Variants in PRR5 observed in about 807,000 individuals in gnomAD.
PRR5 encodes the protein proline-rich protein 5.
Under a neutral mutation model 30.6 loss-of-function variants are expected in PRR5, and 25 were observed. The observed-to-expected ratio is 0.82, with a 90% CI of 0.60 to 1.14. The LOEUF is 1.14. Among genes scored for constraint, PRR5 ranks in the 50% most tolerant of loss-of-function variants. PRR5 has a pLI of 0.00. For missense variants in PRR5, 600 were observed against 547.1 expected (o/e 1.10, Z -0.96); for synonymous variants, 286 against 247.1 (o/e 1.16, Z -1.48).
intron 1 of PRR5, among the ~76,000 whole-genome samples, chr22:44,711,141 G>A (rs955385881): frequency 1.3e-5 from 2 of 152,190 alleles, no homozygotes; most frequent in East Asian, 1.9e-4. Context: ...GGCGTGCCAT[G>A]GCGTTCGCGG....
intron 1 of PRR5, among the ~76,000 whole-genome samples, chr22:44,683,052 G>A (rs1181728460): frequency 2.0e-5 from 3 of 152,232 alleles, no homozygotes; most frequent in African/African-American, 4.8e-5. Flanking sequence ...GACATGAACT[G>A]AGCCTGACTT....
rs754322699 is a variant in PRR5, at chr22:44,732,293, C to G, written c.457C>G (p.Arg153Gly). 8 of 1,612,296 alleles carry G rather than the reference C, an allele frequency of 5.0e-6. No individual in the cohort carries two copies. Among genetic ancestry groups the G allele is most frequent in the Non-Finnish European group, 5.9e-6 (7 of 1,179,950 alleles). The change falls in exon 6 of 8, where the codon CGG becomes GGG. Residue 153 changes from arginine (R) to glycine (G), a missense_variant. By Grantham distance (125) the Arg-to-Gly change is moderately radical. Coordinates refer to ENST00000336985, the MANE Select transcript of PRR5 (RefSeq NM_181333.4). ...SVRQLALLHF[R>G]NAITLSVKLE... ...GCGCCAGCTGGCCCTGCTGCACTTC[C>G]GGAATGCCATCACCCTCAGTGTGAA...
At chr22:44,690,454 C>G (rs189866675) in intron 1 of PRR5, among the ~76,000 whole-genome samples, 1 of 151,820 alleles carries the variant, frequency 6.6e-6, no homozygotes, top group Admixed American at 6.5e-5. Flanking sequence ...ATGGCAGGGC[C>G]AGAGGCCACC....
intron 1 of PRR5, among the ~76,000 whole-genome samples, chr22:44,696,501 G>T (rs985924476): frequency 6.6e-6 from 1 of 152,154 alleles, no homozygotes; most frequent in African/African-American, 2.4e-5. Flanking sequence ...GGTGTATTAA[G>T]ACCAGGGACC....
rs751523837 is a variant in PRR5 at position 44,725,308 on chromosome 22, T to G, written c.264+16T>G. The G allele has an allele frequency of 1.2e-6, 2 of 1,612,574 alleles. No homozygotes were observed. The highest frequency in any genetic ancestry group is 4.5e-5 in the East Asian group (2 of 44,874). ...GTACCTGCAGGTAGGTGGGTCTTGC[T>G]CCAGCCAGGCTGGGCCTGCCTCATG... On this transcript the variant is annotated intron_variant, in intron 3 of 7. Transcript: ENST00000336985.
chr22:44,707,465 C>T (rs1025330963), intron 1 of PRR5, among the ~76,000 whole-genome samples: 4 of 152,200 alleles, frequency 2.6e-5, no homozygotes, highest in East Asian at 3.9e-4. Context: ...CCCCAGCTGC[C>T]GGCATGCCCT....
intron 4 of PRR5, among the ~76,000 whole-genome samples, chr22:44,727,337 G>A (rs2147141386): frequency 6.6e-6 from 1 of 152,268 alleles, no homozygotes; most frequent in East Asian, 1.9e-4. Flanking sequence ...CCTGGGAGCG[G>A]GGTCAGGTGA....
rs1199748965 is a variant in PRR5 at position 44,691,062 on chromosome 22, G to A, written c.-10-11430G>A. 6.6e-6 allele frequency among the ~76,000 whole-genome samples: 1 copy of A among 152,052 alleles called. No individual in the cohort carries two copies. The highest frequency in any genetic ancestry group is 1.5e-5 in the Non-Finnish European group (1 of 68,004). On this transcript the variant is annotated intron_variant, in intron 1 of 8. Transcript: ENST00000006251. This position sits in a 1 kb window ranked among gnomAD's most constrained non-coding sequence, Gnocchi z 4.4. ...ACGTGCTGGCAGCCTCGGGAAGGTG[G>A]ATTCCCGGGGCGGGGAGGCAGGAGA...
upstream of PRR5, among the ~76,000 whole-genome samples, chr22:44,673,673 CT>C (rs769260717): frequency 1.3e-5 from 2 of 152,270 alleles, no homozygotes; most frequent in African/African-American, 4.8e-5. Context: ...CTCTAAGCCC[CT>C]ATGACTGATA....
At chr22:44,710,288 C>A (rs1036533156) in intron 1 of PRR5, among the ~76,000 whole-genome samples, 3 of 114,882 alleles carry the variant, frequency 2.6e-5, no homozygotes, top group Non-Finnish European at 5.9e-5. Flanking sequence ...CACCTGCACC[C>A]CCCCCCCAGC....
At chr22:44,714,730 G>A in intron 2 of PRR5, 59 bp downstream of exon 2, 1 of 1,598,554 alleles carries the variant, frequency 6.3e-7, no homozygotes, top group Non-Finnish European at 8.5e-7. Context: ...GCTAGGCCCA[G>A]AGTCGAAGGC....
intron 1 of PRR5, chr22:44,679,273 C>G (rs1477625490): frequency 6.6e-6 from 1 of 152,622 alleles, no homozygotes; most frequent in Non-Finnish European, 1.5e-5. Context: ...ATGAAATGTA[C>G]CGAGATGGGG....
chr22:44,702,444 CGTGGGCGCGGCGCAGGCGGCCCGG>C lies in PRR5; in HGVS notation c.-28_-5del. 1 of 1,303,068 alleles carries C rather than the reference CGTGGGCGCGGCGCAGGCGGCCCGG, an allele frequency of 7.7e-7. No individual in the cohort carries two copies. The allele number at this position is 1,303,068 out of a possible 1,614,324, so 80.7% of individuals were successfully genotyped here. ...GGCGCAGGGCGCGGCGTGGGGCGCG[CGTGGGCGCGGCGCAGGCGGCCCGG>C]GTCACCATGAGGACTCTCCGCAGGT... is the stretch of plus-strand genomic sequence containing the variant. On this transcript the variant is annotated 5_prime_UTR_variant, in exon 1 of 8. Transcript: ENST00000336985.
At chr22:44,676,280 A>C (rs1923752127), upstream of PRR5, among the ~76,000 whole-genome samples, 1 of 149,722 alleles carries the variant, frequency 6.7e-6, no homozygotes, top group Admixed American at 6.7e-5. Context: ...GGTCTTAGCT[A>C]CTCGGGAGGC....
At chr22:44,707,381 C>T (rs1458698712) in intron 1 of PRR5, among the ~76,000 whole-genome samples, 2 of 152,200 alleles carry the variant, frequency 1.3e-5, no homozygotes, top group Admixed American at 1.3e-4. Flanking sequence ...ACGCCAGCCT[C>T]AGGACCCAGG....
intron 1 of PRR5, among the ~76,000 whole-genome samples, chr22:44,695,588 G>T (rs1468114511): frequency 6.6e-6 from 1 of 151,934 alleles, no homozygotes; most frequent in Non-Finnish European, 1.5e-5. Context: ...GGTTTTGTTT[G>T]TTTGTTTTTT....
intron 7 of PRR5, 113 bp from the exon 8 acceptor site, chr22:44,736,659 C>G: frequency 6.8e-7 from 1 of 1,461,400 alleles, no homozygotes; most frequent in Non-Finnish European, 9.0e-7. Context: ...CCGGGTCGGG[C>G]CTTCCCTGCA....
intron 6 of PRR5, among the ~76,000 whole-genome samples, chr22:44,733,377 T>C (rs551999341): frequency 9.2e-4 from 140 of 152,368 alleles, no homozygotes; most frequent in African/African-American, 3.1e-3. Context: ...GGAGCCCAGC[T>C]TCACCCCGGC....
chr22:44,702,265 C>G lies in PRR5; in HGVS notation c.-210C>G, dbSNP rs1250002700. The G allele has an allele frequency of 8.2e-5, 93 of 1,140,738 alleles. No individual in the cohort carries two copies. The highest frequency in any genetic ancestry group is 9.6e-5 in the Non-Finnish European group (89 of 929,138). The allele number at this position is 1,140,738 out of a possible 1,614,324, so 70.7% of individuals were successfully genotyped here. ...CCTGGCGCTCCACGCTGAGCCTCTCCGTGCAATGATTAACCCGGCGGGGCG... is the reference window on the plus strand; with the variant it reads ...CCTGGCGCTCCACGCTGAGCCTCTCGGTGCAATGATTAACCCGGCGGGGCG... On this transcript the variant is annotated 5_prime_UTR_variant, in exon 1 of 8. Transcript: ENST00000336985.
Sources: gnomAD v4.1 joint callset for allele counts (sites outside exome capture counted in the v4.1 genomes callset) on GRCh38, gnomAD v4.1.1 for gene constraint, Gnocchi (gnomAD v3.1) non-coding constraint, MANE v1.5 for transcripts, NCBI Gene and HGNC (gene_info 2026-07-23, HGNC 2026-07-21) for gene names.